Variants in RIMS2 observed in about 807,000 individuals in gnomAD.
RIMS2 encodes regulating synaptic membrane exocytosis 2.
In RIMS2, 59 loss-of-function variants were observed where a neutral mutation model predicts 174.4. That is an observed-to-expected ratio of 0.34 (90% CI 0.27 to 0.42). The LOEUF is 0.42. Among genes scored for constraint, RIMS2 ranks in the 10% least tolerant of loss-of-function variants. The probability of loss-of-function intolerance (pLI) is 1.00; values close to 1 mark genes in which losing one functional copy is unlikely to be tolerated. For missense variants in RIMS2, 1,620 were observed against 1,666.3 expected, an observed-to-expected ratio of 0.97 and a Z score of 0.48; for synonymous variants, 606 against 572.5, an observed-to-expected ratio of 1.06 and a Z score of -0.84.
At chr8:104,098,654 A>G (rs1199495213) in intron 19 of RIMS2, among the ~76,000 whole-genome samples, 1 of 152,100 alleles carries the variant, frequency 6.6e-6, no homozygotes, top group Non-Finnish European at 1.5e-5. Flanking sequence ...TTGGGGCATC[A>G]GTTCAAATTT....
intron 19 of RIMS2, among the ~76,000 whole-genome samples, chr8:104,212,947 A>G (rs2099112040): frequency 6.6e-6 from 1 of 152,232 alleles, no homozygotes; most frequent in East Asian, 1.9e-4. Context: ...CTCTACCTGT[A>G]AGATCTTTAA....
intron 19 of RIMS2, among the ~76,000 whole-genome samples, chr8:104,055,683 T>TTTC (rs2096856573): frequency 6.6e-6 from 1 of 152,210 alleles, no homozygotes; most frequent in South Asian, 2.1e-4. Context: ...TTAGTAACAT[T>TTTC]TTCTTCTATA....
At chr8:103,757,683 C>A (rs2098042515) in intron 2 of RIMS2, among the ~76,000 whole-genome samples, 3 of 152,118 alleles carry the variant, frequency 2.0e-5, no homozygotes, top group African/African-American at 7.2e-5. Context: ...AGGTGTGATA[C>A]AGTAAAGATC....
intron 17 of RIMS2, chr8:103,998,176 T>A: frequency 6.3e-7 from 1 of 1,594,644 alleles, no homozygotes; most frequent in Non-Finnish European, 8.6e-7. Context: ...GTTTCTGCCA[T>A]GCTTGCAGTC....
intron 19 of RIMS2, among the ~76,000 whole-genome samples, chr8:104,156,442 G>T (rs1293796585): frequency 6.6e-6 from 1 of 152,088 alleles, no homozygotes; most frequent in African/African-American, 2.4e-5. Context: ...AGAGCAAACA[G>T]GTTTGATAAG....
At chr8:103,772,978 A>G (rs2098270696) in intron 3 of RIMS2, among the ~76,000 whole-genome samples, 1 of 152,204 alleles carries the variant, frequency 6.6e-6, no homozygotes, top group African/African-American at 2.4e-5. Flanking sequence ...GTAAAAGCTA[A>G]AATTATAAAA....
At chr8:104,210,793 A>G (rs1382903775) in intron 19 of RIMS2, among the ~76,000 whole-genome samples, 1 of 152,224 alleles carries the variant, frequency 6.6e-6, no homozygotes, top group African/African-American at 2.4e-5. Context: ...TTGACCTGTC[A>G]AGAACAGTGC....
chr8:103,898,721 T>A (rs917138769), intron 4 of RIMS2, among the ~76,000 whole-genome samples: 9 of 151,562 alleles, frequency 5.9e-5, no homozygotes, highest in African/African-American at 2.2e-4. Context: ...TTTGTTTGTT[T>A]TTATTTTTTT....
Position 103,912,177 on chromosome 8 carries a change from G to T in RIMS2, c.1812+5G>T. 6.2e-7 allele frequency: 1 copy of T among 1,602,440 alleles called. No individual in the cohort carries two copies. The highest frequency in any genetic ancestry group is 8.5e-7 in the Non-Finnish European group (1 of 1,172,576). ...GGAGCAATGCTTGGCTTGAAGGTATGTAATAAAAAGTATGAGATTTTGGCT... is the reference window on the plus strand; with the variant it reads ...GGAGCAATGCTTGGCTTGAAGGTATTTAATAAAAAGTATGAGATTTTGGCT... On this transcript the variant is annotated splice_donor_5th_base_variant and intron_variant, in intron 6 of 23. Transcript: ENST00000504942.
intron 19 of RIMS2, among the ~76,000 whole-genome samples, chr8:104,061,520 T>C (rs921988406): frequency 1.3e-5 from 2 of 151,658 alleles, no homozygotes; most frequent in African/African-American, 4.8e-5. Flanking sequence ...TCAAATAGCA[T>C]TTATACATAC....
intron 3 of RIMS2, among the ~76,000 whole-genome samples, chr8:103,813,076 T>C (rs2098698797): frequency 1.3e-5 from 2 of 152,210 alleles, no homozygotes; most frequent in Admixed American, 1.3e-4. Flanking sequence ...ACATATTGTG[T>C]ATCTTATGAT....
intron 1 of RIMS2, among the ~76,000 whole-genome samples, chr8:103,596,928 A>T (rs1332660761): frequency 6.6e-6 from 1 of 152,126 alleles, no homozygotes; most frequent in Non-Finnish European, 1.5e-5. Flanking sequence ...AACATAAAAG[A>T]AGATAGTTTC....
At chr8:104,250,897 G>T (rs548436227) in intron 22 of RIMS2, 127 bp from the exon 29 acceptor site, 19 of 771,318 alleles carry the variant, frequency 2.5e-5, no homozygotes, top group African/African-American at 5.2e-5. Flanking sequence ...ACAGAATGCA[G>T]CTAGGCCAGT....
At chr8:103,740,347 C>G (rs2097747945) in intron 2 of RIMS2, among the ~76,000 whole-genome samples, 1 of 152,160 alleles carries the variant, frequency 6.6e-6, no homozygotes, top group Non-Finnish European at 1.5e-5. Flanking sequence ...ACCTAGATGC[C>G]TGCTGACTTC....
chr8:104,160,847 T>C (rs2098756672), intron 19 of RIMS2, among the ~76,000 whole-genome samples: 1 of 152,176 alleles, frequency 6.6e-6, no homozygotes, highest in Non-Finnish European at 1.5e-5. Context: ...CTAGAGGAAA[T>C]GAGTTGTCAG....
At chr8:103,738,593 G>A (rs1191818546) in intron 2 of RIMS2, among the ~76,000 whole-genome samples, 2 of 152,094 alleles carry the variant, frequency 1.3e-5, no homozygotes. Flanking sequence ...GGGTGAACAG[G>A]CAACCTACAG....
chr8:104,120,948 G>T (rs1440347642), intron 19 of RIMS2, among the ~76,000 whole-genome samples: 1 of 152,122 alleles, frequency 6.6e-6, no homozygotes, highest in Non-Finnish European at 1.5e-5. Context: ...TATTTTACAA[G>T]AAAGTGAGCT....
chr8:104,057,724 C>A (rs537239128), intron 19 of RIMS2, among the ~76,000 whole-genome samples: 1 of 114,260 alleles, frequency 8.8e-6, no homozygotes, highest in Admixed American at 1.0e-4. Context: ...CCCCCTCCCC[C>A]CACCCCACAA....
chr8:103,786,521 G>A (rs1444447309), intron 3 of RIMS2, among the ~76,000 whole-genome samples: 3 of 152,022 alleles, frequency 2.0e-5, no homozygotes, highest in East Asian at 1.9e-4. Flanking sequence ...CCTTCACTTC[G>A]TTATGTACCC....
Sources: allele counts gnomAD v4.1 joint callset (sites outside exome capture counted in the v4.1 genomes callset), GRCh38; gene constraint gnomAD v4.1.1; transcripts MANE v1.5; gene names NCBI Gene and HGNC (gene_info 2026-07-23, HGNC 2026-07-21).